The following UNC5C variants were observed in gnomAD, a reference collection of about 807,000 sequenced individuals.
UNC5C encodes the protein unc-5 netrin receptor C.
A neutral mutation model predicts 99.8 loss-of-function variants in UNC5C; 47 were observed. That is an observed-to-expected ratio of 0.47 (90% CI 0.37 to 0.60). The LOEUF is 0.60. UNC5C is among the 20% of genes least tolerant of loss of function. UNC5C has a pLI of 0.00. For missense variants in UNC5C, 1,062 were observed against 1,165.9 expected, an observed-to-expected ratio of 0.91 and a Z score of 1.30; for synonymous variants, 487 against 452.2, an observed-to-expected ratio of 1.08 and a Z score of -0.98.
At chr4:95,381,348 G>A (rs1745064825) in intron 1 of UNC5C, among the ~76,000 whole-genome samples, 2 of 152,204 alleles carry the variant, frequency 1.3e-5, no homozygotes, top group Non-Finnish European at 2.9e-5. Flanking sequence ...GAAGTTCACA[G>A]CAGATCTGGT....
chr4:95,461,932 CTTTT>C (rs1264491938), intron 1 of UNC5C, among the ~76,000 whole-genome samples: 1 of 152,036 alleles, frequency 6.6e-6, no homozygotes, highest in African/African-American at 2.4e-5. Context: ...TTTTGATTTT[CTTTT>C]TTTATCTTGT....
intron 1 of UNC5C, among the ~76,000 whole-genome samples, chr4:95,399,388 G>C (rs1404204108): frequency 6.6e-6 from 1 of 152,106 alleles, no homozygotes; most frequent in African/African-American, 2.4e-5. Context: ...AAGTTAATGA[G>C]GATTTTTAAA....
intron 3 of UNC5C, 71 bp downstream of exon 3, chr4:95,301,535 G>T (rs1741877546): frequency 3.8e-6 from 6 of 1,597,570 alleles, no homozygotes. Context: ...TGCTGGAGTA[G>T]TCACAGTGTA....
chr4:95,483,943 A>G (rs1003626008), intron 1 of UNC5C, among the ~76,000 whole-genome samples: 4 of 151,864 alleles, frequency 2.6e-5, no homozygotes, highest in African/African-American at 4.8e-5. Flanking sequence ...TCATTCATTC[A>G]TATTCTAATA....
chr4:95,366,375 AAGAT>A (rs1744571451), intron 1 of UNC5C, among the ~76,000 whole-genome samples: 1 of 152,210 alleles, frequency 6.6e-6, no homozygotes, highest in African/African-American at 2.4e-5. Context: ...TATTTCATCC[AAGAT>A]TTACTGTAAG....
chr4:95,294,023 A>C (rs1294839467), intron 3 of UNC5C, among the ~76,000 whole-genome samples: 1 of 152,226 alleles, frequency 6.6e-6, no homozygotes, highest in Non-Finnish European at 1.5e-5. Context: ...AAGGGTACAC[A>C]CACTAGCTCT....
chr4:95,205,290 C>T (rs1163276629), intron 11 of UNC5C, among the ~76,000 whole-genome samples: 1 of 152,128 alleles, frequency 6.6e-6, no homozygotes, highest in Non-Finnish European at 1.5e-5. Context: ...AGGATCACTT[C>T]GGATTAAGAC....
intron 8 of UNC5C, 92 bp from the exon 9 acceptor site, chr4:95,219,405 A>G (rs1738383149): frequency 3.2e-6 from 4 of 1,255,572 alleles, no homozygotes; most frequent in Non-Finnish European, 4.5e-6. Flanking sequence ...CTGAGCCGAA[A>G]GTAAAGCAGC....
At chr4:95,243,785 A>G (rs1739407505) in intron 6 of UNC5C, among the ~76,000 whole-genome samples, 1 of 152,196 alleles carries the variant, frequency 6.6e-6, no homozygotes, top group African/African-American at 2.4e-5. Flanking sequence ...AACTACTTAG[A>G]GCAAAAACAT....
Position 95,400,384 on chromosome 4 carries a change from C to CTTTTTTTTTTTTTTTTTTTTTT in UNC5C, c.125-64775_125-64754dup. Among the ~76,000 whole-genome samples, 2 of 65,792 alleles carry CTTTTTTTTTTTTTTTTTTTTTT rather than the reference C, an allele frequency of 3.0e-5. 1 individual carries two copies. The highest frequency in any genetic ancestry group is 5.5e-5 in the Non-Finnish European group (2 of 36,048). 43.2% of individuals were successfully genotyped at this position (65,792 alleles called of 152,430 possible). On this transcript the variant is annotated intron_variant, in intron 1 of 15. Transcript: ENST00000453304. ...TTCCACAGCCACAGTGAGATGAATT[C>CTTTTTTTTTTTTTTTTTTTTTT]TTTTTTTTTTTTTTTTTTTTTTTTT...
intron 12 of UNC5C, among the ~76,000 whole-genome samples, chr4:95,187,568 A>G (rs1560720894): frequency 6.6e-6 from 1 of 151,620 alleles, no homozygotes; most frequent in East Asian, 1.9e-4. Context: ...AAGTCAGGAA[A>G]TCTAACACGG....
intron 1 of UNC5C, among the ~76,000 whole-genome samples, chr4:95,424,455 G>A (rs747810244): frequency 2.7e-5 from 4 of 149,328 alleles, no homozygotes; most frequent in Admixed American, 6.7e-5. Flanking sequence ...TTGTAAGTAC[G>A]GTTAAGTTTT....
intron 1 of UNC5C, among the ~76,000 whole-genome samples, chr4:95,415,271 C>A (rs1305876979): frequency 6.6e-6 from 1 of 152,080 alleles, no homozygotes. Context: ...TTCTTTTAGT[C>A]ACAGCTTTCT....
At chr4:95,341,605 A>C (rs1165970033) in intron 1 of UNC5C, among the ~76,000 whole-genome samples, 2 of 152,240 alleles carry the variant, frequency 1.3e-5, no homozygotes, top group East Asian at 3.9e-4. Context: ...GCAGAGCAAG[A>C]TAGCCAAATG....
intron 1 of UNC5C, among the ~76,000 whole-genome samples, chr4:95,344,714 T>C (rs1743706432): frequency 6.6e-6 from 1 of 152,086 alleles, no homozygotes; most frequent in South Asian, 2.1e-4. Context: ...AGTTAAAGTG[T>C]AGAGTTTTTA....
intron 1 of UNC5C, among the ~76,000 whole-genome samples, chr4:95,475,703 A>G (rs137977352): frequency 2.6e-5 from 4 of 152,252 alleles, no homozygotes; most frequent in African/African-American, 7.2e-5. Flanking sequence ...CTCCCATACT[A>G]AAACAAACAG....
intron 1 of UNC5C, among the ~76,000 whole-genome samples, chr4:95,427,120 C>A (rs1439158309): frequency 6.6e-6 from 1 of 152,030 alleles, no homozygotes; most frequent in Non-Finnish European, 1.5e-5. Context: ...TGTGGTGGAA[C>A]TAGCAAGAGA....
intron 1 of UNC5C, among the ~76,000 whole-genome samples, chr4:95,498,939 T>C (rs765453323): frequency 2.0e-5 from 3 of 152,118 alleles, no homozygotes; most frequent in Non-Finnish European, 4.4e-5. Context: ...CAAACGTACT[T>C]GTGCTTAATT....
intron 10 of UNC5C, 103 bp from the exon 11 acceptor site, chr4:95,206,899 A>ATTATT: frequency 1.3e-6 from 1 of 742,948 alleles, no homozygotes; most frequent in Non-Finnish European, 1.9e-6. Flanking sequence ...TTCTCCTGGA[A>ATTATT]TTCTTTTTTT....
Sources: gnomAD v4.1 joint callset for allele counts (sites outside exome capture counted in the v4.1 genomes callset) on GRCh38, gnomAD v4.1.1 for gene constraint, MANE v1.5 for transcripts, NCBI Gene and HGNC (gene_info 2026-07-23, HGNC 2026-07-21) for gene names.